IQCB1: variants seen among roughly 807,000 people sequenced by gnomAD.
IQCB1 encodes the protein IQ motif containing B1.
In IQCB1, 56 loss-of-function variants were observed where a neutral mutation model predicts 84.4. That is an observed-to-expected ratio of 0.66 (90% confidence interval 0.54 to 0.83). The LOEUF (loss-of-function observed/expected upper bound fraction) is 0.83, where lower values mean the gene tolerates loss of function less well. IQCB1 is among the 40% of genes least tolerant of loss of function. IQCB1 has a pLI of 0.00. For synonymous variants in IQCB1, 210 were observed against 234.8 expected (o/e 0.89, Z 0.96); for missense variants, 629 against 682.1 (o/e 0.92, Z 0.87).
At chr3:121,799,741 C>T (rs1323870515) in intron 7 of IQCB1, among the ~76,000 whole-genome samples, 1 of 151,782 alleles carries the variant, frequency 6.6e-6, no homozygotes, top group African/African-American at 2.4e-5. Context: ...AAGACAGGTA[C>T]ACAGTTAATT....
chr3:121,808,837 T>A lies in IQCB1; in HGVS notation c.487+79A>T, dbSNP rs148526991. ...TTATCTGCACAGTTCATGTGGCATTTGTTTTTGGAAAAAACGATCAAACTG... is the reference window on the plus strand; with the variant it reads ...TTATCTGCACAGTTCATGTGGCATTAGTTTTTGGAAAAAACGATCAAACTG... On this transcript the variant is annotated intron_variant, in intron 6 of 14. Coordinates refer to ENST00000310864, the MANE Select transcript of IQCB1 (RefSeq NM_001023570.4). The A allele has an allele frequency of 7.4e-5, 63 of 847,188 alleles. No homozygotes were observed. In the African/African-American group the frequency reaches 8.4e-4, roughly 11 times the overall value. The allele number at this position is 847,188 out of a possible 1,614,324, so 52.5% of individuals were successfully genotyped here.
intron 5 of IQCB1, among the ~76,000 whole-genome samples, chr3:121,809,459 G>A (rs1033106003): frequency 3.9e-5 from 6 of 152,016 alleles, no homozygotes; most frequent in Admixed American, 1.3e-4. Context: ...ATATGCAAAT[G>A]TAGATGTCAG....
At chr3:121,771,864 T>G (rs577128994) in intron 14 of IQCB1, among the ~76,000 whole-genome samples, 32 of 152,260 alleles carry the variant, frequency 2.1e-4, no homozygotes, top group African/African-American at 7.5e-4. Flanking sequence ...GATGAATTCA[T>G]TTTTGTAAAG....
chr3:121,829,086 T>C (rs1950548663), intron 2 of IQCB1, 114 bp from the exon 3 acceptor site: 5 of 691,560 alleles, frequency 7.2e-6, no homozygotes, highest in Non-Finnish European at 1.3e-5. Context: ...TCTTGCCTTG[T>C]TTGAGAGGCA....
At chr3:121,795,339 A>T (rs944823299) in intron 10 of IQCB1, 118 bp downstream of exon 10, 1 of 724,996 alleles carries the variant, frequency 1.4e-6, no homozygotes, top group Non-Finnish European at 2.5e-6. Context: ...GTATGGAAAA[A>T]AAATGAAAAG....
Position 121,788,138 on chromosome 3 carries a change from G to C in IQCB1, c.1278+146C>G, listed in dbSNP as rs1162188025. On this transcript the variant is annotated intron_variant, in intron 12 of 14. Transcript: ENST00000310864. Reference sequence around the variant, plus strand: ...TAAATCAGCTCGGCCAGAGGTAAGGGGTTTTTCTTTTACAAAAGAAAAAAC... The same window carrying C: ...TAAATCAGCTCGGCCAGAGGTAAGGCGTTTTTCTTTTACAAAAGAAAAAAC... 5 of 753,530 alleles carry C rather than the reference G, an allele frequency of 6.6e-6. No homozygotes were observed. The African/African-American group carries it at 7.0e-5, about 11-fold the overall frequency. The allele number at this position is 753,530 out of a possible 1,614,324, so 46.7% of individuals were successfully genotyped here. A position where few individuals can be genotyped will look rare whatever the true frequency, so the allele number is the denominator to read the frequency against.
At chr3:121,822,223 G>A (rs564145350) in intron 5 of IQCB1, among the ~76,000 whole-genome samples, 5 of 152,304 alleles carry the variant, frequency 3.3e-5, no homozygotes, top group South Asian at 4.1e-4. Context: ...GGACTTGTTA[G>A]CTTCCATAAT....
intron 2 of IQCB1, chr3:121,833,933 TC>T (rs1708102915): frequency 6.6e-6 from 1 of 152,206 alleles, no homozygotes; most frequent in Non-Finnish European, 1.5e-5. Flanking sequence ...ATGTATTAAC[TC>T]ATTTAATCAT....
intron 12 of IQCB1, among the ~76,000 whole-genome samples, chr3:121,786,210 G>GAAAAGAAAAGAAAAGAAAAGAAAAT (rs1948731737): frequency 6.7e-6 from 1 of 148,400 alleles, no homozygotes; most frequent in Non-Finnish European, 1.5e-5. Context: ...GAAAAGAAAA[G>GAAAAGAAAAGAAAAGAAAAGAAAAT]AAAAGGATGC....
intron 7 of IQCB1, among the ~76,000 whole-genome samples, chr3:121,803,768 A>G (rs1016323982): frequency 6.6e-6 from 1 of 152,176 alleles, no homozygotes; most frequent in African/African-American, 2.4e-5. Flanking sequence ...CAGGTACTTC[A>G]ACTTTCTGTG....
intron 9 of IQCB1, 107 bp downstream of exon 9, chr3:121,797,011 T>G: frequency 1.3e-6 from 1 of 747,444 alleles, no homozygotes; most frequent in South Asian, 1.4e-5. Context: ...TTTGGGGGTA[T>G]TTTGCTTGAA....
At position 121,825,841 on chromosome 3, in the gene IQCB1, A is replaced by G. The variant is rs9857271; in HGVS notation, c.393+210T>C. Among the ~76,000 whole-genome samples, 1,280 of 152,354 alleles carry G rather than the reference A, an allele frequency of 8.4e-3. 24 individuals carry two copies. The highest frequency in any genetic ancestry group is 0.029 in the African/African-American group (1,201 of 41,592). ...TGCCCAACAAGTAAAGTAGCAAGGC[A>G]GATCCTTCAAAAAATCAAATGGCAA... On this transcript the variant is annotated intron_variant, in intron 5 of 14. Transcript: ENST00000310864.
chr3:121,780,473 G>A (rs1948424831), intron 13 of IQCB1, among the ~76,000 whole-genome samples: 1 of 152,146 alleles, frequency 6.6e-6, no homozygotes, highest in Non-Finnish European at 1.5e-5. Context: ...GGTAATCACA[G>A]AGGGCCTGAT....
Position 121,820,401 on chromosome 3 carries a change from T to C in IQCB1, c.393+5650A>G, listed in dbSNP as rs926294262. Among the ~76,000 whole-genome samples, 3 of 152,322 alleles carry C rather than the reference T, an allele frequency of 2.0e-5. No individual in the cohort carries two copies. The East Asian group carries it at 5.8e-4, about 29-fold the overall frequency. Reference sequence around the variant, plus strand: ...TCAATTTGCCCAAATACATTGCATCTATGTCAGACATCTCTAAGGCTCTGA... The same window carrying C: ...TCAATTTGCCCAAATACATTGCATCCATGTCAGACATCTCTAAGGCTCTGA... On this transcript the variant is annotated intron_variant, in intron 5 of 14. Coordinates refer to ENST00000310864, the MANE Select transcript of IQCB1 (RefSeq NM_001023570.4).
At chr3:121,805,198 G>A (rs1949559757) in intron 7 of IQCB1, among the ~76,000 whole-genome samples, 1 of 152,094 alleles carries the variant, frequency 6.6e-6, no homozygotes, top group Middle Eastern at 3.2e-3. Flanking sequence ...CAGTACTTCA[G>A]TACCAGTAAA....
intron 7 of IQCB1, among the ~76,000 whole-genome samples, chr3:121,806,324 A>T (rs1478511167): frequency 6.6e-6 from 1 of 152,084 alleles, no homozygotes; most frequent in East Asian, 1.9e-4. Flanking sequence ...CAGAGTAACA[A>T]AATTGAAATG....
intron 2 of IQCB1, among the ~76,000 whole-genome samples, chr3:121,829,642 A>G (rs1172155052): frequency 6.6e-6 from 1 of 152,146 alleles, no homozygotes; most frequent in Non-Finnish European, 1.5e-5. Flanking sequence ...CAACACTTCA[A>G]ACATGTTGTC....
chr3:121,779,805 T>A (rs544400264), intron 13 of IQCB1, among the ~76,000 whole-genome samples: 1 of 152,330 alleles, frequency 6.6e-6, no homozygotes, highest in South Asian at 2.1e-4. Context: ...TGACTCTTGA[T>A]TTTATAATTT....
chr3:121,815,676 A>T (rs1274290423), intron 5 of IQCB1, among the ~76,000 whole-genome samples: 1 of 152,172 alleles, frequency 6.6e-6, no homozygotes, highest in African/African-American at 2.4e-5. Context: ...AACAGAATAA[A>T]ATACCTAGGA....
Sources: allele counts gnomAD v4.1 joint callset (sites outside exome capture counted in the v4.1 genomes callset), GRCh38; gene constraint gnomAD v4.1.1; transcripts MANE v1.5; gene names NCBI Gene and HGNC (gene_info 2026-07-23, HGNC 2026-07-21).